Variants in RALGPS2 observed in about 807,000 individuals in gnomAD.
The protein encoded by RALGPS2 is Ral GEF with PH domain and SH3 binding motif 2, also known as ras-specific guanine nucleotide-releasing factor RalGPS2.
Under a neutral mutation model 86.8 loss-of-function variants are expected in RALGPS2, and 43 were observed. The ratio of observed to expected loss-of-function variants is 0.50; its 90% CI spans 0.39 to 0.64. The LOEUF is 0.64. Ranked by LOEUF, RALGPS2 falls within the 30% of genes least tolerant of loss-of-function variation. The pLI, the probability that RALGPS2 is intolerant of heterozygous loss-of-function variation, is 0.00. For missense variants in RALGPS2, 536 were observed against 694.6 expected (o/e 0.77, Z 2.57); for synonymous variants, 243 against 231.3 (o/e 1.05, Z -0.46).
intron 1 of RALGPS2, among the ~76,000 whole-genome samples, chr1:178,742,794 A>G (rs552273783): frequency 6.6e-6 from 1 of 152,234 alleles, no homozygotes; most frequent in Non-Finnish European, 1.5e-5. Flanking sequence ...GAAACTATTA[A>G]CAAAATGGGG....
At position 178,765,621 on chromosome 1, in the gene RALGPS2, C is replaced by T. The variant is rs529877094; in HGVS notation, c.-83-11061C>T. Among the ~76,000 whole-genome samples, 3 of 152,278 alleles carry T rather than the reference C, an allele frequency of 2.0e-5. No homozygotes were observed. The South Asian group carries it at 6.2e-4, about 32-fold the overall frequency. On this transcript the variant is annotated intron_variant, in intron 1 of 19. Coordinates refer to ENST00000367635, the MANE Select transcript of RALGPS2 (RefSeq NM_152663.5). ...CAGGGTTTGAGAGCAGATAACCGGT[C>T]TGACCAAAATTTATTAGGCGGGAAT...
At chr1:178,889,620 A>G in intron 13 of RALGPS2, 22 bp from the exon 14 acceptor site, 1 of 1,552,012 alleles carries the variant, frequency 6.4e-7, no homozygotes, top group South Asian at 1.1e-5. Context: ...TGTTTAAAAA[A>G]TAGGATAACT....
chr1:178,841,008 A>G (rs886521905), intron 8 of RALGPS2, among the ~76,000 whole-genome samples: 1 of 152,220 alleles, frequency 6.6e-6, no homozygotes, highest in Admixed American at 6.5e-5. Flanking sequence ...GCAATAATTA[A>G]TAGCCTACCA....
intron 1 of RALGPS2, among the ~76,000 whole-genome samples, chr1:178,752,118 A>G (rs1651712046): frequency 6.6e-6 from 1 of 150,420 alleles, no homozygotes. Context: ...GCTAATCTCT[A>G]CTATTTGTGT....
intron 1 of RALGPS2, among the ~76,000 whole-genome samples, chr1:178,774,363 T>TTAAGTAATA (rs1398793341): frequency 1.3e-5 from 2 of 152,254 alleles, no homozygotes; most frequent in Non-Finnish European, 2.9e-5. Flanking sequence ...TATTACATTT[T>TTAAGTAATA]TTTAAGTAAA....
intron 2 of RALGPS2, among the ~76,000 whole-genome samples, chr1:178,780,636 A>T (rs1023913209): frequency 6.6e-6 from 1 of 152,180 alleles, no homozygotes; most frequent in African/African-American, 2.4e-5. Flanking sequence ...ATGAGAGAAT[A>T]CTACATTTGC....
At chr1:178,858,177 T>C (rs917524443) in intron 8 of RALGPS2, among the ~76,000 whole-genome samples, 2 of 152,184 alleles carry the variant, frequency 1.3e-5, no homozygotes, top group African/African-American at 2.4e-5. Flanking sequence ...CAATATTTAT[T>C]TGTATTTATT....
intron 8 of RALGPS2, among the ~76,000 whole-genome samples, chr1:178,840,056 A>G (rs916009422): frequency 1.3e-5 from 2 of 152,166 alleles, no homozygotes; most frequent in African/African-American, 4.8e-5. Context: ...ATAATGGGAG[A>G]CTTTAACACC....
chr1:178,741,247 A>C (rs1438467434), intron 1 of RALGPS2, among the ~76,000 whole-genome samples: 1 of 152,224 alleles, frequency 6.6e-6, no homozygotes, highest in Non-Finnish European at 1.5e-5. Context: ...TACCTGTATT[A>C]ACTCATTGGA....
intron 8 of RALGPS2, among the ~76,000 whole-genome samples, chr1:178,843,503 TGGGGTGG>T (rs1274245917): frequency 1.3e-3 from 113 of 89,108 alleles, no homozygotes; most frequent in Middle Eastern, 9.4e-3. Flanking sequence ...GGGACTGTGG[TGGGGTGG>T]GGGGAGGGGG....
chr1:178,734,879 T>C lies in RALGPS2; in HGVS notation c.-84+9460T>C, dbSNP rs1650584280. Among the ~76,000 whole-genome samples the C allele has an allele frequency of 2.0e-5, 3 of 152,338 alleles. No individual in the cohort carries two copies. In the South Asian group the frequency reaches 6.2e-4, roughly 32 times the overall value. The stretch of plus-strand genomic sequence containing the variant: ...TTATGTGAACTATAAATGTTAAAAA[T>C]GTTGAGTAGTTTGTGTGGTGGGATA... On this transcript the variant is annotated intron_variant, in intron 1 of 19. Transcript: ENST00000367635.
At chr1:178,766,574 A>G (rs893624508) in intron 1 of RALGPS2, among the ~76,000 whole-genome samples, 2 of 152,154 alleles carry the variant, frequency 1.3e-5, no homozygotes, top group Non-Finnish European at 2.9e-5. Flanking sequence ...ACATAGGCCC[A>G]CAATCTCTTC....
At chr1:178,726,198 C>T (rs1301722824) in intron 1 of RALGPS2, 1 of 152,230 alleles carries the variant, frequency 6.6e-6, no homozygotes, top group Non-Finnish European at 1.5e-5. Flanking sequence ...ATTGCAGTAT[C>T]GGATTAGGTA....
rs566645048 is a variant in RALGPS2, at chr1:178,903,746, G to A, written c.1630+1535G>A. On this transcript the variant is annotated intron_variant, in intron 18 of 19. Transcript: ENST00000367635. ...TATACCACAGTTTCTTTATCCACTC[G>A]TTGATTGATGGGCATTTGGGTTGGT... is the stretch of plus-strand genomic sequence containing the variant. 3.3e-5 allele frequency among the ~76,000 whole-genome samples: 5 copies of A among 152,134 alleles called. No individual in the cohort carries two copies. The South Asian group carries it at 6.2e-4, about 19-fold the overall frequency.
intron 4 of RALGPS2, among the ~76,000 whole-genome samples, chr1:178,789,971 C>T (rs533664144): frequency 1.3e-5 from 2 of 152,146 alleles, no homozygotes; most frequent in South Asian, 4.2e-4. Context: ...TTTTTGGAGA[C>T]AGGGTCTGGC....
intron 16 of RALGPS2, among the ~76,000 whole-genome samples, chr1:178,895,624 A>C (rs1362749957): frequency 1.3e-5 from 2 of 151,994 alleles, no homozygotes; most frequent in Non-Finnish European, 2.9e-5. Context: ...TACGCATTGA[A>C]ATTGGGGAAG....
At chr1:178,813,073 C>G (rs1156913637) in intron 6 of RALGPS2, among the ~76,000 whole-genome samples, 2 of 151,666 alleles carry the variant, frequency 1.3e-5, no homozygotes, top group Non-Finnish European at 2.9e-5. Context: ...TCTGGGACTA[C>G]AGGTGCATGC....
intron 17 of RALGPS2, among the ~76,000 whole-genome samples, chr1:178,898,887 A>G (rs1293477083): frequency 1.3e-5 from 2 of 151,934 alleles, no homozygotes; most frequent in South Asian, 2.1e-4. Flanking sequence ...CAACATTTAC[A>G]TAGATTAGTT....
In RALGPS2 at chr1:178,856,194, GAGAGAGAGATATAT is replaced by G. The variant is rs1189257229; in HGVS notation, c.608-21302_608-21289del. Among the ~76,000 whole-genome samples, 47 of 99,198 alleles carry G rather than the reference GAGAGAGAGATATAT, an allele frequency of 4.7e-4. 2 individuals carry two copies. Among genetic ancestry groups the G allele is most frequent in the African/African-American group, 2.4e-3 (45 of 18,406 alleles). 65.1% of individuals were successfully genotyped at this position (99,198 alleles called of 152,430 possible). On this transcript the variant is annotated intron_variant, in intron 8 of 19. Coordinates refer to ENST00000367635, the MANE Select transcript of RALGPS2 (RefSeq NM_152663.5). ...ACTGTGTTACCTGTACTTTTCCAGA[GAGAGAGAGATATAT>G]ATATATATATATATATATATATATA...
Sources: allele counts gnomAD v4.1 joint callset (sites outside exome capture counted in the v4.1 genomes callset), GRCh38; gene constraint gnomAD v4.1.1; transcripts MANE v1.5; gene names NCBI Gene and HGNC (gene_info 2026-07-23, HGNC 2026-07-21).